CCNY: variants seen among roughly 807,000 people sequenced by gnomAD.
The protein encoded by CCNY is cyclin-Y.
A neutral mutation model predicts 42.8 loss-of-function variants in CCNY; 19 were observed. The ratio of observed to expected loss-of-function variants is 0.44; its 90% CI spans 0.31 to 0.65. The LOEUF is 0.65. CCNY is among the 30% of genes least tolerant of loss of function. The pLI, the probability that CCNY is intolerant of heterozygous loss-of-function variation, is 0.07. For synonymous variants in CCNY, 165 were observed against 162.7 expected (o/e 1.01, Z -0.11); for missense variants, 370 against 437.3 (o/e 0.85, Z 1.37).
intron 1 of CCNY, among the ~76,000 whole-genome samples, chr10:35,453,839 T>C (rs1838972527): frequency 6.6e-6 from 1 of 152,140 alleles, no homozygotes; most frequent in Admixed American, 6.5e-5. Flanking sequence ...CTAAGACCTA[T>C]AGTAAAAAAA....
At chr10:35,552,788 C>T (rs929686956) in intron 7 of CCNY, among the ~76,000 whole-genome samples, 1 of 152,170 alleles carries the variant, frequency 6.6e-6, no homozygotes, top group East Asian at 1.9e-4. Flanking sequence ...GTTTCCTCCA[C>T]AGAGTCTGTT....
At chr10:35,313,759 G>T (rs1298255234) in intron 3 of CCNY, among the ~76,000 whole-genome samples, 6 of 152,116 alleles carry the variant, frequency 3.9e-5, no homozygotes, top group Non-Finnish European at 7.4e-5. Flanking sequence ...AACTGCTTGA[G>T]TCCAGGAGTT....
chr10:35,536,246 C>T (rs1027500731), intron 7 of CCNY, among the ~76,000 whole-genome samples: 1 of 152,116 alleles, frequency 6.6e-6, no homozygotes, highest in Non-Finnish European at 1.5e-5. Context: ...CTTGCTGGTA[C>T]CATGTAAGAA....
chr10:35,354,184 C>CTTT (rs549476804), intron 1 of CCNY, among the ~76,000 whole-genome samples: 33 of 131,498 alleles, frequency 2.5e-4, no homozygotes, highest in African/African-American at 9.0e-4. Flanking sequence ...CATACATAGT[C>CTTT]TTTTTTTTTT....
intron 8 of CCNY, among the ~76,000 whole-genome samples, chr10:35,562,582 G>A (rs1039184990): frequency 2.2e-4 from 33 of 152,108 alleles, no homozygotes; most frequent in Admixed American, 2.0e-3. Context: ...GTCCTTCTGT[G>A]TCCAGCATAT....
rs1290468423 is a variant in CCNY at position 35,570,068 on chromosome 10, C to G, written c.*898C>G. The G allele has an allele frequency of 6.5e-6, 1 of 152,780 alleles. No individual in the cohort carries two copies. The highest frequency in any genetic ancestry group is 1.9e-4 in the East Asian group (1 of 5,332). 9.5% of individuals were successfully genotyped at this position (152,780 alleles called of 1,614,324 possible). On this transcript the variant is annotated 3_prime_UTR_variant, in exon 10 of 10. Transcript: ENST00000374704. ...GTTCTGCAGAGTGCTGGGCATGTGC[C>G]TGGAACTACCGAGTAGGAGCCATTT...
At chr10:35,454,857 T>A (rs1838995058) in intron 1 of CCNY, among the ~76,000 whole-genome samples, 1 of 152,176 alleles carries the variant, frequency 6.6e-6, no homozygotes, top group African/African-American at 2.4e-5. Context: ...CCAACAAACC[T>A]TGCCCCACTG....
At chr10:35,345,802 G>A (rs1287003236) in intron 1 of CCNY, among the ~76,000 whole-genome samples, 1 of 152,226 alleles carries the variant, frequency 6.6e-6, no homozygotes, top group Non-Finnish European at 1.5e-5. Flanking sequence ...CTTTGAGTGG[G>A]ATGCTTGCTG....
intron 8 of CCNY, among the ~76,000 whole-genome samples, chr10:35,556,366 G>T (rs1234218650): frequency 6.6e-6 from 1 of 152,196 alleles, no homozygotes; most frequent in Non-Finnish European, 1.5e-5. Flanking sequence ...GAGCTCTGAG[G>T]ACTGCAGGCC....
intron 1 of CCNY, among the ~76,000 whole-genome samples, chr10:35,396,387 G>A (rs912453953): frequency 6.6e-6 from 1 of 152,190 alleles, no homozygotes; most frequent in Non-Finnish European, 1.5e-5. Context: ...CAGCTGAGTT[G>A]TAAGAGGCAG....
intron 1 of CCNY, among the ~76,000 whole-genome samples, chr10:35,416,202 G>T (rs1215211368): frequency 1.5e-5 from 2 of 137,460 alleles, no homozygotes; most frequent in East Asian, 4.2e-4. Context: ...TGTCCTTGTA[G>T]GGTGCTACTT....
At chr10:35,491,587 G>T (rs1339578265) in intron 2 of CCNY, among the ~76,000 whole-genome samples, 1 of 152,032 alleles carries the variant, frequency 6.6e-6, no homozygotes, top group Non-Finnish European at 1.5e-5. Flanking sequence ...TTCCTCTCCT[G>T]CCAGCTTCCT....
At chr10:35,489,682 G>A (rs1295472127) in intron 2 of CCNY, among the ~76,000 whole-genome samples, 4 of 151,898 alleles carry the variant, frequency 2.6e-5, no homozygotes, top group East Asian at 1.9e-4. Flanking sequence ...TTTATATGTC[G>A]AAAAATCTCC....
intron 2 of CCNY, among the ~76,000 whole-genome samples, chr10:35,492,229 C>G (rs1043106945): frequency 1.3e-5 from 2 of 152,340 alleles, no homozygotes; most frequent in East Asian, 1.9e-4. Context: ...ACACACAGAG[C>G]CCTTTTCACC....
chr10:35,334,918 C>A (rs577057901), upstream of CCNY, among the ~76,000 whole-genome samples: 2 of 152,130 alleles, frequency 1.3e-5, no homozygotes, highest in South Asian at 4.2e-4. Context: ...CTGGATTTGT[C>A]ACGAACAGGT....
intron 1 of CCNY, among the ~76,000 whole-genome samples, chr10:35,480,080 G>T (rs1316468333): frequency 6.6e-6 from 1 of 151,960 alleles, no homozygotes; most frequent in Non-Finnish European, 1.5e-5. Context: ...GATCTGGCCT[G>T]TATTCACCTC....
chr10:35,483,609 T>G, intron 2 of CCNY, 131 bp downstream of exon 2: 2 of 553,934 alleles, frequency 3.6e-6, no homozygotes, highest in South Asian at 2.9e-5. Flanking sequence ...ATATACTGTT[T>G]AATGGTAGTT....
intron 1 of CCNY, among the ~76,000 whole-genome samples, chr10:35,456,284 G>T (rs1003211206): frequency 1.2e-4 from 18 of 152,170 alleles, no homozygotes; most frequent in Non-Finnish European, 2.2e-4. Context: ...GCTGGATGTG[G>T]CAGCCATGTG....
chr10:35,408,507 G>A (rs1180674176), intron 1 of CCNY, among the ~76,000 whole-genome samples: 4 of 151,680 alleles, frequency 2.6e-5, no homozygotes, highest in Admixed American at 6.6e-5. Flanking sequence ...TCTCAAGGGC[G>A]GGGAGAATTA....
Sources: allele counts gnomAD v4.1 joint callset (sites outside exome capture counted in the v4.1 genomes callset), GRCh38; gene constraint gnomAD v4.1.1; transcripts MANE v1.5; gene names NCBI Gene and HGNC (gene_info 2026-07-23, HGNC 2026-07-21).